Variants in SIPA1L1 observed in about 807,000 individuals in gnomAD.
The protein encoded by SIPA1L1 is signal induced proliferation associated 1 like 1.
Under a neutral mutation model 162.7 loss-of-function variants are expected in SIPA1L1, and 26 were observed. That is an observed-to-expected ratio of 0.16 (90% CI 0.12 to 0.22). SIPA1L1 has a LOEUF of 0.22. SIPA1L1 is among the 10% of genes least tolerant of loss of function. The pLI is 1.00. For missense variants in SIPA1L1, 1,874 were observed against 2,241.0 expected (o/e 0.84, Z 3.31); for synonymous variants, 829 against 837.4 (o/e 0.99, Z 0.17).
intron 4 of SIPA1L1, among the ~76,000 whole-genome samples, chr14:71,584,450 G>A (rs1270542485): frequency 6.6e-6 from 1 of 152,164 alleles, no homozygotes. Flanking sequence ...TAGGAAGGAG[G>A]CATGACCCAT....
intron 9 of SIPA1L1, among the ~76,000 whole-genome samples, chr14:71,659,400 C>T (rs148285215): frequency 6.6e-6 from 1 of 152,126 alleles, no homozygotes; most frequent in African/African-American, 2.4e-5. Context: ...AAAGTTTTGC[C>T]TTTCATGATT....
At chr14:71,554,449 G>T (rs2056166129) in intron 4 of SIPA1L1, among the ~76,000 whole-genome samples, 1 of 152,126 alleles carries the variant, frequency 6.6e-6, no homozygotes, top group African/African-American at 2.4e-5. Flanking sequence ...ATGTAGGCTG[G>T]TGAGAAAAGA....
At chr14:71,475,410 G>T (rs1418618180) in intron 2 of SIPA1L1, among the ~76,000 whole-genome samples, 1 of 152,116 alleles carries the variant, frequency 6.6e-6, no homozygotes, top group East Asian at 1.9e-4. Flanking sequence ...AAAGTTTAGT[G>T]TATCTTTCCC....
At chr14:71,651,151 T>C (rs1403150575) in intron 8 of SIPA1L1, among the ~76,000 whole-genome samples, 1 of 152,230 alleles carries the variant, frequency 6.6e-6, no homozygotes, top group Non-Finnish European at 1.5e-5. Context: ...AGTAAAATAG[T>C]TAACATTCTC....
At chr14:71,620,259 AG>A (rs2039289144) in intron 6 of SIPA1L1, among the ~76,000 whole-genome samples, 1 of 151,970 alleles carries the variant, frequency 6.6e-6, no homozygotes, top group South Asian at 2.1e-4. Context: ...AGTAGAGACG[AG>A]GTTTCTCCAT....
chr14:71,702,581 A>G (rs2082170399), intron 15 of SIPA1L1, 76 bp downstream of exon 15: 4 of 1,310,658 alleles, frequency 3.1e-6, no homozygotes, highest in Non-Finnish European at 4.3e-6. Flanking sequence ...ATGTTATCAA[A>G]ACATTGTTAT....
intron 5 of SIPA1L1, among the ~76,000 whole-genome samples, chr14:71,599,410 G>C (rs7144299): frequency 0.84 from 125,731 of 150,282 alleles, 53,178 homozygotes; most frequent in African/African-American, 0.95. Flanking sequence ...CCTCGGCCTC[G>C]CAAAGTGCTG....
intron 13 of SIPA1L1, among the ~76,000 whole-genome samples, chr14:71,695,123 C>T (rs1015711011): frequency 4.6e-5 from 7 of 152,180 alleles, no homozygotes; most frequent in African/African-American, 1.7e-4. Context: ...TAGGTCTGTT[C>T]TCAAATAATA....
Position 71,445,175 on chromosome 14 carries a change from A to G in SIPA1L1, c.-464-67568A>G, listed in dbSNP as rs542965253. 3.3e-5 allele frequency among the ~76,000 whole-genome samples: 5 copies of G among 152,334 alleles called. No homozygotes were observed. The East Asian group carries it at 9.6e-4, about 29-fold the overall frequency. On this transcript the variant is annotated intron_variant, in intron 2 of 23. Transcript: ENST00000381232. ...CTTATCCTGGCGTAAGAAAAAATCC[A>G]TTTATTAAGCTGAAAATCTTCTGAT...
chr14:71,335,053 C>A (rs776080731), intron 2 of SIPA1L1, among the ~76,000 whole-genome samples: 1 of 152,148 alleles, frequency 6.6e-6, no homozygotes, highest in African/African-American at 2.4e-5. Flanking sequence ...TAATCCCAAG[C>A]GCTTTGGGAG....
At chr14:71,580,164 G>C (rs1279093209) in intron 4 of SIPA1L1, among the ~76,000 whole-genome samples, 2 of 152,160 alleles carry the variant, frequency 1.3e-5, no homozygotes, top group Admixed American at 1.3e-4. Context: ...AAGAAAATCA[G>C]TACTACCAGG....
At chr14:71,628,490 TAGTTGA>T (rs1021584409) in intron 7 of SIPA1L1, among the ~76,000 whole-genome samples, 13 of 152,374 alleles carry the variant, frequency 8.5e-5, no homozygotes, top group African/African-American at 3.1e-4. Context: ...GCTTCTGTTG[TAGTTGA>T]TACATTATGC....
intron 2 of SIPA1L1, among the ~76,000 whole-genome samples, chr14:71,397,569 A>G (rs1034425819): frequency 2.6e-5 from 4 of 152,058 alleles, no homozygotes; most frequent in African/African-American, 9.7e-5. Flanking sequence ...GATTGTGACA[A>G]TTTCTAATAA....
At chr14:71,363,817 T>G (rs1398387289) in intron 2 of SIPA1L1, among the ~76,000 whole-genome samples, 1 of 152,216 alleles carries the variant, frequency 6.6e-6, no homozygotes, top group Non-Finnish European at 1.5e-5. Flanking sequence ...GGCTTGGGAT[T>G]TATAACAAGG....
intron 3 of SIPA1L1, among the ~76,000 whole-genome samples, chr14:71,522,234 T>G (rs1237874577): frequency 2.0e-5 from 3 of 152,238 alleles, no homozygotes; most frequent in Non-Finnish European, 4.4e-5. Flanking sequence ...GTGATTTTCT[T>G]TTCTCTGCTG....
At chr14:71,375,154 G>A (rs2039259899) in intron 2 of SIPA1L1, among the ~76,000 whole-genome samples, 1 of 152,094 alleles carries the variant, frequency 6.6e-6, no homozygotes, top group Admixed American at 6.5e-5. Flanking sequence ...GTGTCCTGTT[G>A]GTTCTGAGCT....
At chr14:71,569,309 ACT>A (rs1185536053) in intron 4 of SIPA1L1, among the ~76,000 whole-genome samples, 2 of 152,004 alleles carry the variant, frequency 1.3e-5, no homozygotes, top group Non-Finnish European at 2.9e-5. Context: ...AAAAATGTTG[ACT>A]CTCTGCAACC....
chr14:71,459,995 C>T (rs578187325), intron 2 of SIPA1L1, among the ~76,000 whole-genome samples: 2 of 152,286 alleles, frequency 1.3e-5, no homozygotes, highest in African/African-American at 4.8e-5. Flanking sequence ...ATGTACCAAT[C>T]CCCAACCCAA....
intron 10 of SIPA1L1, among the ~76,000 whole-genome samples, chr14:71,665,445 C>A (rs2043909430): frequency 6.6e-6 from 1 of 152,084 alleles, no homozygotes; most frequent in Non-Finnish European, 1.5e-5. Flanking sequence ...AAAGCTTATC[C>A]CATAACTGAT....
Sources: gnomAD v4.1 joint callset for allele counts (sites outside exome capture counted in the v4.1 genomes callset) on GRCh38, gnomAD v4.1.1 for gene constraint, MANE v1.5 for transcripts, NCBI Gene and HGNC (gene_info 2026-07-23, HGNC 2026-07-21) for gene names.